The following MOCS1 variants were observed in gnomAD, a reference collection of about 807,000 sequenced individuals.
MOCS1 encodes the protein molybdenum cofactor synthesis 1, also known as molybdenum cofactor biosynthesis protein 1.
Under a neutral mutation model 57.6 loss-of-function variants are expected in MOCS1, and 39 were observed. The ratio of observed to expected loss-of-function variants is 0.68; its 90% CI spans 0.52 to 0.88. MOCS1 has a LOEUF of 0.88. Ranked by LOEUF, MOCS1 falls within the 40% of genes least tolerant of loss-of-function variation. The probability of loss-of-function intolerance (pLI) is 0.00; values close to 1 mark genes in which losing one functional copy is unlikely to be tolerated. For synonymous variants in MOCS1, 334 were observed against 335.7 expected (o/e 1.00, Z 0.05); for missense variants, 795 against 831.1 (o/e 0.96, Z 0.53).
intron 8 of MOCS1, among the ~76,000 whole-genome samples, chr6:39,911,880 G>T (rs1230239441): frequency 6.6e-6 from 1 of 152,222 alleles, no homozygotes; most frequent in Admixed American, 6.5e-5. Flanking sequence ...CACAGGACAT[G>T]CTTGTTAGAT....
intron 7 of MOCS1, 74 bp downstream of exon 7, chr6:39,912,818 C>T (rs1554189275): frequency 8.6e-7 from 1 of 1,158,634 alleles, no homozygotes. Context: ...AGTGCAGCTC[C>T]CTGCTAGCTC....
chr6:39,904,578 G>C lies in MOCS1; in HGVS notation c.*1779C>G, dbSNP rs543296303. On this transcript the variant is annotated 3_prime_UTR_variant, in exon 11 of 11. Coordinates refer to ENST00000340692, the MANE Select transcript of MOCS1 (RefSeq NM_001358530.2). ...TCAGCAGCATTTCTCCCCTGTGATG[G>C]AAATAAAGTGTTTAGGGCAGTGGGA... The C allele has an allele frequency of 4.4e-6, 2 of 454,072 alleles. No individual in the cohort carries two copies. The highest frequency in any genetic ancestry group is 8.8e-6 in the Non-Finnish European group (2 of 226,928). The allele number at this position is 454,072 out of a possible 1,614,324, so 28.1% of individuals were successfully genotyped here.
At chr6:39,919,356 CAT>C (rs1767836258) in intron 3 of MOCS1, among the ~76,000 whole-genome samples, 1 of 152,056 alleles carries the variant, frequency 6.6e-6, no homozygotes, top group African/African-American at 2.4e-5. Context: ...GTGGTGGTGG[CAT>C]ATGCCTGTAA....
intron 1 of MOCS1, 120 bp from the exon 2 acceptor site, chr6:39,927,575 A>T (rs1281594670): frequency 6.2e-7 from 1 of 1,608,924 alleles, no homozygotes; most frequent in South Asian, 1.1e-5. Context: ...CAACTCTTCC[A>T]CATGTTTGGG....
rs749503432 is a variant in MOCS1, at chr6:39,906,485, T to G, written c.1783A>C (p.Thr595Pro). 4 of 1,613,944 alleles carry G rather than the reference T, an allele frequency of 2.5e-6. No homozygotes were observed. The highest frequency in any genetic ancestry group is 3.4e-6 in the Non-Finnish European group (4 of 1,180,028). ...GPTGVEMEAL[T>P]SAAVAALTLY... ...GTGAGGGCGGCCACTGCAGCAGAGG[T>G]CAGGGCCTCCATCTCCACCCCGGTG... The change falls in exon 11 of 11, where the codon ACC becomes CCC. Residue 595 changes from threonine (T) to proline (P), a missense_variant. Coordinates refer to ENST00000340692, the MANE Select transcript of MOCS1 (RefSeq NM_001358530.2).
At chr6:39,913,177 C>G in intron 6 of MOCS1, 140 bp downstream of exon 6, 2 of 896,614 alleles carry the variant, frequency 2.2e-6, no homozygotes, top group East Asian at 4.9e-5. Context: ...CCACAGCGGG[C>G]TCCGAGAAGC....
chr6:39,931,724 A>G (rs1202392943), intron 1 of MOCS1, among the ~76,000 whole-genome samples: 1 of 151,928 alleles, frequency 6.6e-6, no homozygotes, highest in Non-Finnish European at 1.5e-5. Flanking sequence ...ACTTCCTTGC[A>G]GCCTAACCCC....
intron 5 of MOCS1, 66 bp from the exon 6 acceptor site, chr6:39,913,494 G>A: frequency 7.0e-7 from 1 of 1,422,826 alleles, no homozygotes; most frequent in Non-Finnish European, 9.9e-7. Flanking sequence ...GATGACCCTT[G>A]GGGGCCTGGC....
In MOCS1 at chr6:39,905,525, C is replaced by G. The variant is rs1766827211; in HGVS notation, c.*832G>C. 2 of 471,146 alleles carry G rather than the reference C, an allele frequency of 4.2e-6. No homozygotes were observed. The highest frequency in any genetic ancestry group is 8.8e-6 in the Non-Finnish European group (2 of 227,076). 29.2% of individuals were successfully genotyped at this position (471,146 alleles called of 1,614,324 possible). The stretch of plus-strand genomic sequence containing the variant: ...CACAGTGTCTTCATTCTTGCATCTG[C>G]AAAGTTGGCATCGTAGCTTTATTTG... On this transcript the variant is annotated 3_prime_UTR_variant, in exon 11 of 11. Transcript: ENST00000340692.
At chr6:39,921,213 C>A (rs1353504603) in intron 3 of MOCS1, among the ~76,000 whole-genome samples, 1 of 151,772 alleles carries the variant, frequency 6.6e-6, no homozygotes, top group Non-Finnish European at 1.5e-5. Context: ...TCCTGGCTAA[C>A]ACAGTGAAAC....
chr6:39,925,305 A>G (rs968577753), intron 3 of MOCS1, among the ~76,000 whole-genome samples: 5 of 152,112 alleles, frequency 3.3e-5, no homozygotes, highest in African/African-American at 1.2e-4. Flanking sequence ...CTCCTAGCAA[A>G]GGGAACAGCA....
rs1393611293 is a variant in MOCS1 at position 39,904,329 on chromosome 6, T to C, written c.*2028A>G. On this transcript the variant is annotated 3_prime_UTR_variant, in exon 11 of 11. Transcript: ENST00000340692. ...CAGTGGCTCTGGTGCTAGATGCCACTGTAGCCAGATCTCCAACAGTGCCTT... is the reference window on the plus strand; with the variant it reads ...CAGTGGCTCTGGTGCTAGATGCCACCGTAGCCAGATCTCCAACAGTGCCTT... 6.6e-6 allele frequency: 3 copies of C among 456,632 alleles called. No individual in the cohort carries two copies. Among genetic ancestry groups the C allele is most frequent in the East Asian group, 6.9e-5 (1 of 14,412 alleles). The allele number at this position is 456,632 out of a possible 1,614,324, so 28.3% of individuals were successfully genotyped here.
chr6:39,929,789 A>G (rs1300274881), intron 1 of MOCS1, among the ~76,000 whole-genome samples: 2 of 151,882 alleles, frequency 1.3e-5, no homozygotes, highest in African/African-American at 4.8e-5. Context: ...AAAAAATACA[A>G]AAGTTAGCTG....
In MOCS1 at chr6:39,905,940, T is replaced by C; in HGVS notation, c.*417A>G. 2 of 461,956 alleles carry C rather than the reference T, an allele frequency of 4.3e-6. No homozygotes were observed. Among genetic ancestry groups the C allele is most frequent in the South Asian group, 1.6e-5 (1 of 64,208 alleles). The allele number at this position is 461,956 out of a possible 1,614,324, so 28.6% of individuals were successfully genotyped here. On this transcript the variant is annotated 3_prime_UTR_variant, in exon 11 of 11. Transcript: ENST00000340692. Reference sequence around the variant, plus strand: ...GTGCTTTGCTCTCCTCAAAGTGGGCTCCTCTGCTTAATGAGCGCTTAATCT... The same window carrying C: ...GTGCTTTGCTCTCCTCAAAGTGGGCCCCTCTGCTTAATGAGCGCTTAATCT...
Position 39,927,671 on chromosome 6 carries a change from T to C in MOCS1, c.124-216A>G, listed in dbSNP as rs3008822. The C allele has an allele frequency of 0.44, 693,793 of 1,559,796 alleles. 161,151 individuals are homozygous for C. Among genetic ancestry groups the C allele is most frequent in the East Asian group, 0.8 (34,661 of 43,174 alleles). On this transcript the variant is annotated intron_variant, in intron 1 of 10. Coordinates refer to ENST00000340692, the MANE Select transcript of MOCS1 (RefSeq NM_001358530.2). ...GGACCCACCCCTTAAGTATTCAGCTTGGGGGTCGGGGGCGGATGGTGATCT... is the reference window on the plus strand; with the variant it reads ...GGACCCACCCCTTAAGTATTCAGCTCGGGGGTCGGGGGCGGATGGTGATCT...
intron 1 of MOCS1, among the ~76,000 whole-genome samples, chr6:39,930,314 G>A (rs1768579972): frequency 1.3e-5 from 2 of 152,294 alleles, no homozygotes; most frequent in East Asian, 1.9e-4. Flanking sequence ...TTGCTCAGGA[G>A]GGCTGGGACA....
intron 7 of MOCS1, 108 bp downstream of exon 7, chr6:39,912,784 C>T: frequency 1.1e-6 from 1 of 871,324 alleles, no homozygotes; most frequent in Non-Finnish European, 2.0e-6. Context: ...ATGGTACCAT[C>T]CCACATCACA....
intron 3 of MOCS1, among the ~76,000 whole-genome samples, chr6:39,917,361 A>AC (rs1582819457): frequency 6.6e-6 from 1 of 151,996 alleles, no homozygotes; most frequent in East Asian, 1.9e-4. Flanking sequence ...GAGGGTAACC[A>AC]CCCCCATTAT....
chr6:39,925,681 C>T lies in MOCS1; in HGVS notation c.415G>A (p.Val139Met), dbSNP rs768898577. Residue 139 changes from valine to methionine, a missense_variant, in exon 3 of 11, where the codon GTG becomes ATG. Transcript: ENST00000340692. ...PLIRPDVVDI[V>M]AQLQRLEGLR... ...CGATGACTTTCGTCCAACTCACCCA[C>T]AATGTCCACCACGTCCGGCCGGATA... 6.2e-7 allele frequency: 1 copy of T among 1,612,698 alleles called. No homozygotes were observed. Among genetic ancestry groups the T allele is most frequent in the Non-Finnish European group, 8.5e-7 (1 of 1,180,002 alleles).
Sources: gnomAD v4.1 joint callset for allele counts (sites outside exome capture counted in the v4.1 genomes callset) on GRCh38, gnomAD v4.1.1 for gene constraint, MANE v1.5 for transcripts, NCBI Gene and HGNC (gene_info 2026-07-23, HGNC 2026-07-21) for gene names.